SLC9A9: variants seen among roughly 807,000 people sequenced by gnomAD.
The protein encoded by SLC9A9 is solute carrier family 9 member A9.
Under a neutral mutation model 77.8 loss-of-function variants are expected in SLC9A9, and 62 were observed. The observed-to-expected ratio is 0.80, with a 90% confidence interval of 0.65 to 0.98. The LOEUF is 0.98. SLC9A9 is among the 50% of genes least tolerant of loss of function. The pLI is 0.00. For synonymous variants in SLC9A9, 320 were observed against 283.5 expected, an observed-to-expected ratio of 1.13 and a Z score of -1.29; for missense variants, 775 against 774.9, an observed-to-expected ratio of 1.00 and a Z score of 0.00.
intron 4 of SLC9A9, among the ~76,000 whole-genome samples, chr3:143,708,802 G>T (rs995200360): frequency 6.6e-6 from 1 of 152,202 alleles, no homozygotes; most frequent in Non-Finnish European, 1.5e-5. Flanking sequence ...GTGCTAAGGG[G>T]TTCAGAAGAT....
At chr3:143,518,665 G>T (rs2036244358) in intron 9 of SLC9A9, among the ~76,000 whole-genome samples, 1 of 152,110 alleles carries the variant, frequency 6.6e-6, no homozygotes, top group African/African-American at 2.4e-5. Flanking sequence ...TGCATATATT[G>T]CTCAAAATTT....
At chr3:143,840,526 C>T (rs1033638747) in intron 1 of SLC9A9, among the ~76,000 whole-genome samples, 4 of 152,220 alleles carry the variant, frequency 2.6e-5, no homozygotes, top group African/African-American at 9.6e-5. Context: ...GAACTTGCAA[C>T]ATGACTATCC....
intron 14 of SLC9A9, among the ~76,000 whole-genome samples, chr3:143,287,101 TTGTGTG>T (rs3032423): frequency 4.0e-5 from 6 of 149,150 alleles, no homozygotes; most frequent in East Asian, 2.0e-4. Context: ...CTGGTCCCAC[TTGTGTG>T]TGTGTGTGTG....
At chr3:143,593,084 G>A (rs2037679712) in intron 6 of SLC9A9, among the ~76,000 whole-genome samples, 1 of 152,166 alleles carries the variant, frequency 6.6e-6, no homozygotes. Flanking sequence ...AATTTGGAAT[G>A]CATATGCCTT....
chr3:143,324,670 A>C (rs776833082), intron 14 of SLC9A9, among the ~76,000 whole-genome samples: 2 of 151,832 alleles, frequency 1.3e-5, no homozygotes, highest in Non-Finnish European at 2.9e-5. Flanking sequence ...AAAATACAAA[A>C]ATTTAGGTGA....
intron 4 of SLC9A9, among the ~76,000 whole-genome samples, chr3:143,747,438 A>G (rs970459342): frequency 6.6e-6 from 1 of 151,062 alleles, no homozygotes; most frequent in African/African-American, 2.4e-5. Context: ...GGGACTTTGC[A>G]GATGTGATTA....
intron 14 of SLC9A9, among the ~76,000 whole-genome samples, chr3:143,271,732 T>C (rs1937905861): frequency 6.6e-6 from 1 of 152,156 alleles, no homozygotes; most frequent in African/African-American, 2.4e-5. Flanking sequence ...GTAGAATTAG[T>C]TGATGTAAGA....
intron 12 of SLC9A9, among the ~76,000 whole-genome samples, chr3:143,407,924 GA>G (rs1225576017): frequency 6.6e-6 from 1 of 152,186 alleles, no homozygotes; most frequent in Non-Finnish European, 1.5e-5. Flanking sequence ...GGTTCAAACA[GA>G]AATTTGTTTC....
chr3:143,821,958 G>C (rs926314104), intron 2 of SLC9A9, among the ~76,000 whole-genome samples: 22 of 152,170 alleles, frequency 1.4e-4, no homozygotes, highest in Non-Finnish European at 2.9e-4. Flanking sequence ...TTCAATGAAG[G>C]CTGTGTTGTC....
chr3:143,707,189 C>G (rs556363843), intron 4 of SLC9A9, among the ~76,000 whole-genome samples: 1 of 152,268 alleles, frequency 6.6e-6, no homozygotes, highest in East Asian at 1.9e-4. Flanking sequence ...TCTTAGCTGT[C>G]TTCTGTCCTG....
chr3:143,374,063 C>T (rs535363909), intron 13 of SLC9A9, among the ~76,000 whole-genome samples: 1 of 151,916 alleles, frequency 6.6e-6, no homozygotes, highest in East Asian at 1.9e-4. Flanking sequence ...TTTAAAGCAA[C>T]CAGGGAAAGA....
At chr3:143,628,476 A>G (rs1367750647) in intron 6 of SLC9A9, among the ~76,000 whole-genome samples, 1 of 152,168 alleles carries the variant, frequency 6.6e-6, no homozygotes, top group Non-Finnish European at 1.5e-5. Context: ...GAATGGTTGT[A>G]TGGGTGCTCT....
intron 8 of SLC9A9, among the ~76,000 whole-genome samples, chr3:143,562,589 G>T (rs144148971): frequency 6.6e-6 from 1 of 150,900 alleles, no homozygotes; most frequent in African/African-American, 2.4e-5. Flanking sequence ...AAGCACTAAG[G>T]TATTTATCTT....
At chr3:143,785,916 G>C (rs2008040901) in intron 4 of SLC9A9, among the ~76,000 whole-genome samples, 1 of 143,472 alleles carries the variant, frequency 7.0e-6, no homozygotes, top group Non-Finnish European at 1.5e-5. Context: ...GAGTGCAGTG[G>C]CGCGATCTCG....
intron 6 of SLC9A9, among the ~76,000 whole-genome samples, chr3:143,602,560 TAATA>T (rs2037862689): frequency 1.3e-5 from 2 of 152,252 alleles, no homozygotes; most frequent in South Asian, 2.1e-4. Flanking sequence ...TATTGTACTT[TAATA>T]AATATTTCAT....
In SLC9A9 at chr3:143,689,067, C is replaced by T. The variant is rs6802801; in HGVS notation, c.649+4125G>A. Among the ~76,000 whole-genome samples the T allele has an allele frequency of 9.2e-3, 1,401 of 151,986 alleles. 29 individuals are homozygous for T. Among genetic ancestry groups the T allele is most frequent in the African/African-American group, 0.032 (1,314 of 41,474 alleles). On this transcript the variant is annotated intron_variant, in intron 5 of 15. Transcript: ENST00000316549. ...GCCATGCTATAGGGATATATAAATC[C>T]TCACCTTTCATATGGATAAACCCCC...
At chr3:143,666,755 C>T (rs1262036378) in intron 5 of SLC9A9, among the ~76,000 whole-genome samples, 2 of 152,092 alleles carry the variant, frequency 1.3e-5, no homozygotes, top group African/African-American at 4.8e-5. Flanking sequence ...AATAAAATAC[C>T]TAGGAATCCA....
intron 5 of SLC9A9, among the ~76,000 whole-genome samples, chr3:143,686,109 C>T (rs1691070320): frequency 6.6e-6 from 1 of 152,084 alleles, no homozygotes; most frequent in African/African-American, 2.4e-5. Context: ...GCGAGGGTGA[C>T]CTGGGATACT....
At chr3:143,550,386 C>T (rs2036860446) in intron 9 of SLC9A9, among the ~76,000 whole-genome samples, 1 of 152,178 alleles carries the variant, frequency 6.6e-6, no homozygotes, top group South Asian at 2.1e-4. Context: ...CCTATGTCCA[C>T]ATTCTTTGCC....
Sources: gnomAD v4.1 joint callset for allele counts (sites outside exome capture counted in the v4.1 genomes callset) on GRCh38, gnomAD v4.1.1 for gene constraint, MANE v1.5 for transcripts, NCBI Gene and HGNC (gene_info 2026-07-23, HGNC 2026-07-21) for gene names.